Variants in TEX52 observed in about 807,000 individuals in gnomAD.
The protein encoded by TEX52 is testis expressed 52, also known as testis-expressed protein 52.
In TEX52, 22 loss-of-function variants were observed where a neutral mutation model predicts 17.6. That is an observed-to-expected ratio of 1.25 (90% CI 0.89 to 1.78). The LOEUF is 1.78. Among genes scored for constraint, TEX52 ranks in the 40% most tolerant of loss-of-function variants. The pLI, the probability that TEX52 is intolerant of heterozygous loss-of-function variation, is 0.00. For missense variants in TEX52, 396 were observed against 372.3 expected (o/e 1.06, Z -0.52); for synonymous variants, 168 against 147.4 (o/e 1.14, Z -1.01).
chr12:2,854,473 G>A (rs944109777), intron 2 of TEX52, among the ~76,000 whole-genome samples: 1 of 152,208 alleles, frequency 6.6e-6, no homozygotes, highest in Non-Finnish European at 1.5e-5. Flanking sequence ...GATGGGGTTG[G>A]AACTGTACTC....
Position 2,849,976 on chromosome 12 carries a change from A to G in TEX52, c.624-451T>C, listed in dbSNP as rs1342580848. On this transcript the variant is annotated intron_variant, in intron 2 of 2. Coordinates refer to ENST00000637658, the MANE Select transcript of TEX52 (RefSeq NM_001365174.2). ...TTTGTTTCTTTTAACACAGCTGAAT[A>G]GTGGCCAGTTTTCTATGACTCAGCG... is the stretch of plus-strand genomic sequence containing the variant. Among the ~76,000 whole-genome samples the G allele has an allele frequency of 2.6e-5, 4 of 152,184 alleles. No homozygotes were observed. The East Asian group carries it at 7.7e-4, about 29-fold the overall frequency.
At chr12:2,854,839 G>A in intron 2 of TEX52, 57 bp downstream of exon 2, 1 of 1,461,706 alleles carries the variant, frequency 6.8e-7, no homozygotes, top group East Asian at 2.5e-5. Context: ...CTGAGAGAGG[G>A]AGGGGTCACC....
intron 2 of TEX52, among the ~76,000 whole-genome samples, chr12:2,854,324 C>T (rs2098080633): frequency 6.6e-6 from 1 of 152,238 alleles, no homozygotes; most frequent in Admixed American, 6.5e-5. Flanking sequence ...CACGCCCTGC[C>T]ATAACATCTA....
chr12:2,856,807 A>C (rs1344470134), intron 1 of TEX52, 148 bp downstream of exon 1: 2 of 626,010 alleles, frequency 3.2e-6, no homozygotes, highest in East Asian at 5.5e-5. Flanking sequence ...CTGGGTTCCT[A>C]GTGTCATAGG....
chr12:2,853,577 T>C (rs562006377), intron 2 of TEX52, among the ~76,000 whole-genome samples: 1 of 151,944 alleles, frequency 6.6e-6, no homozygotes, highest in Non-Finnish European at 1.5e-5. Context: ...CCGGCCTGTT[T>C]TTTTTGTTGT....
At chr12:2,848,192 G>A (rs1206273732), downstream of TEX52, among the ~76,000 whole-genome samples, 1 of 152,202 alleles carries the variant, frequency 6.6e-6, no homozygotes, top group Non-Finnish European at 1.5e-5. Flanking sequence ...GAGAGAAATG[G>A]AGACAAAGAA....
downstream of TEX52, among the ~76,000 whole-genome samples, chr12:2,847,864 C>G (rs1440019884): frequency 1.3e-5 from 2 of 152,130 alleles, no homozygotes; most frequent in African/African-American, 4.8e-5. Context: ...AAGTTTCATC[C>G]ACACTGTAGC....
rs2098089319 is a variant in TEX52 at position 2,856,961 on chromosome 12, G to T, written c.66C>A (p.Phe22Leu). ...PSHPSHMEEP[F>L]LQMVQASESL... is the part of the protein sequence containing the mutation. ...GAGATGGGCCACCCCCTACCTGCAG[G>T]AAAGGTTCTTCCATATGAGATGGGT... Residue 22 changes from phenylalanine (F) to leucine (L), a missense_variant, in exon 1 of 3, where the codon TTC becomes TTA. By Grantham distance (22) the Phe-to-Leu change is conservative. Transcript: ENST00000637658. The T allele has an allele frequency of 4.3e-6, 3 of 703,052 alleles. No individual in the cohort carries two copies. The highest frequency in any genetic ancestry group is 1.7e-5 in the African/African-American group (1 of 57,390). 43.6% of individuals were successfully genotyped at this position (703,052 alleles called of 1,614,324 possible).
downstream of TEX52, among the ~76,000 whole-genome samples, chr12:2,848,244 C>G (rs753403697): frequency 2.0e-5 from 3 of 152,164 alleles, no homozygotes; most frequent in Non-Finnish European, 2.9e-5. Flanking sequence ...CAGGTGTGAC[C>G]ATCAATGTGG....
At chr12:2,854,391 G>A (rs1337462374) in intron 2 of TEX52, among the ~76,000 whole-genome samples, 1 of 152,204 alleles carries the variant, frequency 6.6e-6, no homozygotes, top group Non-Finnish European at 1.5e-5. Flanking sequence ...CCACAGTGAG[G>A]TCGGTACCTG....
In TEX52 at chr12:2,855,281, G is replaced by A. The variant is rs183531122; in HGVS notation, c.238C>T (p.Arg80Trp). The A allele has an allele frequency of 3.5e-4, 539 of 1,519,188 alleles. 1 individual carries two copies. Among genetic ancestry groups the A allele is most frequent in the African/African-American group, 2.9e-3 (210 of 72,820 alleles). 94.1% of individuals were successfully genotyped at this position (1,519,188 alleles called of 1,614,324 possible). A position where few individuals can be genotyped will look rare whatever the true frequency, so the allele number is the denominator to read the frequency against. Residue 80 changes from arginine (R) to tryptophan (W), a missense_variant, in exon 2 of 3, where the codon CGG (arginine) becomes TGG (tryptophan). Transcript: ENST00000637658. The part of the protein sequence containing the change: ...CTDMKSKVRQ[R>W]LIHPWKGGAQ... Reference sequence around the variant, plus strand: ...CCACCCTTCCAAGGGTGGATGAGCCGCTGACGCACCTTGGACTTCATATCT... The same window carrying A: ...CCACCCTTCCAAGGGTGGATGAGCCACTGACGCACCTTGGACTTCATATCT...
rs1352583875 is a variant in TEX52, at chr12:2,849,299, G to T, written c.850C>A (p.His284Asn). The T allele has an allele frequency of 1.3e-6, 2 of 1,536,158 alleles. No individual in the cohort carries two copies. The highest frequency in any genetic ancestry group is 1.2e-5 in the South Asian group (1 of 84,056). ...TTGCTTGCTTGTGCCTTGGAGAGAT[G>T]GTGGAGGGGTAAGGCAGTTCTGTCC... The part of the protein sequence containing the change: ...IKDRTALPLH[H>N]LSKAQASKSP... Residue 284 changes from histidine (H) to asparagine (N), a missense_variant, in exon 3 of 3, where the codon CAT becomes AAT. Transcript: ENST00000637658.
downstream of TEX52, among the ~76,000 whole-genome samples, chr12:2,848,163 C>T (rs540086081): frequency 2.6e-5 from 4 of 152,170 alleles, no homozygotes; most frequent in Non-Finnish European, 5.9e-5. Context: ...GTCTTGATTC[C>T]CAGGTGCCTG....
chr12:2,855,480 T>C (rs1427042120), intron 1 of TEX52, 34 bp from the exon 2 acceptor site: 1 of 1,391,042 alleles, frequency 7.2e-7, no homozygotes, highest in African/African-American at 1.4e-5. Flanking sequence ...TGGGGAAGGT[T>C]GTGCAGACAG....
chr12:2,854,840 A>T, intron 2 of TEX52, 56 bp downstream of exon 2: 19 of 1,460,398 alleles, frequency 1.3e-5, no homozygotes, highest in Non-Finnish European at 1.7e-5. Flanking sequence ...TGAGAGAGGG[A>T]GGGGTCACCT....
In TEX52 at chr12:2,856,948, C is replaced by A. The variant is rs558469106; in HGVS notation, c.72+7G>T. The A allele has an allele frequency of 4.3e-6, 3 of 703,052 alleles. No individual in the cohort carries two copies. Among genetic ancestry groups the A allele is most frequent in the African/African-American group, 3.5e-5 (2 of 57,386 alleles). 43.6% of individuals were successfully genotyped at this position (703,052 alleles called of 1,614,324 possible). A position where few individuals can be genotyped will look rare whatever the true frequency, so the allele number is the denominator to read the frequency against. ...AAGGTAGGCGGCAGAGATGGGCCAC[C>A]CCCTACCTGCAGGAAAGGTTCTTCC... is the stretch of plus-strand genomic sequence containing the variant. On this transcript the variant is annotated splice_region_variant and intron_variant, in intron 1 of 2. Transcript: ENST00000637658.
Position 2,854,921 on chromosome 12 carries a change from T to C in TEX52, c.598A>G (p.Ile200Val), listed in dbSNP as rs975434649. The C allele has an allele frequency of 6.5e-7, 1 of 1,535,396 alleles. No individual in the cohort carries two copies. Among genetic ancestry groups the C allele is most frequent in the African/African-American group, 1.4e-5 (1 of 72,926 alleles). ...RAPPLDAQGN[I>V]QPPASFKKYR... ...TTCTTGAAGCTCGCTGGCGGCTGGA[T>C]GTTGCCCTGGGCATCGAGTGGGGGT... Residue 200 changes from isoleucine to valine, a missense_variant, in exon 2 of 3, where the codon ATC becomes GTC. Coordinates refer to ENST00000637658, the MANE Select transcript of TEX52 (RefSeq NM_001365174.2).
rs1340666228 is a variant in TEX52 at position 2,855,568 on chromosome 12, C to T, written c.73-122G>A. 6 of 731,172 alleles carry T rather than the reference C, an allele frequency of 8.2e-6. No homozygotes were observed. The East Asian group carries it at 9.1e-5, about 11-fold the overall frequency. 45.3% of individuals were successfully genotyped at this position (731,172 alleles called of 1,614,324 possible). On this transcript the variant is annotated intron_variant, in intron 1 of 2. Transcript: ENST00000637658. The stretch of plus-strand genomic sequence containing the variant: ...TGCCAGCCCAGGATTCTCATGAGGA[C>T]GCAGAAGTCCTGGCAGGGCCGCATC...
intron 2 of TEX52, among the ~76,000 whole-genome samples, chr12:2,853,424 C>CA (rs1174981341): frequency 2.6e-5 from 4 of 152,128 alleles, no homozygotes; most frequent in Non-Finnish European, 4.4e-5. Context: ...AGGCGCCTGC[C>CA]ACCACGCCCA....
Sources: gnomAD v4.1 joint callset for allele counts (sites outside exome capture counted in the v4.1 genomes callset) on GRCh38, gnomAD v4.1.1 for gene constraint, MANE v1.5 for transcripts, NCBI Gene and HGNC (gene_info 2026-07-23, HGNC 2026-07-21) for gene names.